Variants in STON2 observed in about 807,000 individuals in gnomAD.
STON2 encodes stonin-2.
A neutral mutation model predicts 65.7 loss-of-function variants in STON2; 29 were observed. That is an observed-to-expected ratio of 0.44 (90% CI 0.33 to 0.60). STON2 has a LOEUF of 0.60. STON2 is among the 20% of genes least tolerant of loss of function. STON2 has a pLI of 0.03. For synonymous variants in STON2, 404 were observed against 414.2 expected (o/e 0.98, Z 0.30); for missense variants, 1,054 against 1,118.1 (o/e 0.94, Z 0.82).
chr14:81,387,678 A>AGGTGGGT (rs1899879963), intron 3 of STON2, among the ~76,000 whole-genome samples: 1 of 151,860 alleles, frequency 6.6e-6, no homozygotes, highest in Non-Finnish European at 1.5e-5. Context: ...CACCCACCAG[A>AGGTGGGT]GGTCAGGAGT....
Position 81,276,924 on chromosome 14 carries a change from T to C in STON2, c.2558A>G (p.Asn853Ser). 1 of 1,612,096 alleles carries C rather than the reference T, an allele frequency of 6.2e-7. No homozygotes were observed. Among genetic ancestry groups the C allele is most frequent in the Non-Finnish European group, 8.5e-7 (1 of 1,178,400 alleles). ...HAFNSIVWRI[N>S]RLPDKNSASG... The stretch of plus-strand genomic sequence containing the variant: ...ACCTGAGTTTTTGTCCGGCAGTCGG[T>C]TTATCCTCCACACAATGGAGTTGAA... Residue 853 changes from asparagine (N) to serine (S), a missense_variant, in exon 6 of 8, where the codon AAC becomes AGC. Coordinates refer to ENST00000614646, the MANE Select transcript of STON2 (RefSeq NM_001394390.1).
intron 4 of STON2, among the ~76,000 whole-genome samples, chr14:81,326,023 A>C (rs3818197): frequency 0.7 from 106,070 of 152,138 alleles, 38,148 homozygotes; most frequent in African/African-American, 0.88. Context: ...GCCTTACCCT[A>C]AACAACCCCA....
intron 5 of STON2, among the ~76,000 whole-genome samples, chr14:81,278,980 A>C (rs1419930822): frequency 6.6e-6 from 1 of 152,240 alleles, no homozygotes; most frequent in African/African-American, 2.4e-5. Flanking sequence ...ATACAGAAGT[A>C]TTGACTGGTA....
chr14:81,400,861 C>T (rs1900577731), upstream of STON2, among the ~76,000 whole-genome samples: 1 of 152,020 alleles, frequency 6.6e-6, no homozygotes. Flanking sequence ...CAACCTTGTA[C>T]AGAAAGAATA....
intron 1 of STON2, among the ~76,000 whole-genome samples, chr14:81,429,531 G>A (rs1255530240): frequency 6.6e-6 from 1 of 152,196 alleles, no homozygotes; most frequent in Non-Finnish European, 1.5e-5. Flanking sequence ...ATAAATCACT[G>A]AATGGCTTCA....
rs1299704642 is a variant in STON2, at chr14:81,274,748, C to G, written c.2581+2153G>C. Among the ~76,000 whole-genome samples, 3 of 151,818 alleles carry G rather than the reference C, an allele frequency of 2.0e-5. No individual in the cohort carries two copies. In the East Asian group the frequency reaches 5.8e-4, roughly 29 times the overall value. On this transcript the variant is annotated intron_variant, in intron 6 of 7. Transcript: ENST00000614646. ...GTCAGGAGTTTGAGACCAGTCTGGC[C>G]AACATGGTGAAAACCTGTCTCTACT...
chr14:81,381,996 G>C (rs373679392), intron 3 of STON2, among the ~76,000 whole-genome samples: 2 of 152,224 alleles, frequency 1.3e-5, no homozygotes, highest in African/African-American at 4.8e-5. Context: ...GACACAGGCG[G>C]ATTACGAGGT....
upstream of STON2, among the ~76,000 whole-genome samples, chr14:81,400,777 G>A (rs549698569): frequency 1.3e-5 from 2 of 152,188 alleles, no homozygotes; most frequent in Non-Finnish European, 2.9e-5. Context: ...TAGGTTGTTC[G>A]GATTTGAGTC....
chr14:81,397,903 A>G (rs564179529), intron 2 of STON2, among the ~76,000 whole-genome samples: 22 of 152,292 alleles, frequency 1.4e-4, no homozygotes, highest in African/African-American at 5.3e-4. Flanking sequence ...TCTACCCAAA[A>G]GCATATCACT....
At chr14:81,319,824 C>A (rs1030328313) in intron 5 of STON2, among the ~76,000 whole-genome samples, 2 of 152,184 alleles carry the variant, frequency 1.3e-5, no homozygotes, top group Non-Finnish European at 2.9e-5. Context: ...CCACCACCCC[C>A]ATTTAATAGA....
chr14:81,261,845 C>T lies in STON2; in HGVS notation c.*6569G>A. ...CCAAAGAAGCATTCCACCTGATCTT[C>T]ACCACCCTCTTTGATCCTCTTTTTA... On this transcript the variant is annotated 3_prime_UTR_variant, in exon 8 of 8. Transcript: ENST00000614646. The T allele has an allele frequency of 6.5e-7, 1 of 1,534,374 alleles. No homozygotes were observed. Among genetic ancestry groups the T allele is most frequent in the Non-Finnish European group, 8.7e-7 (1 of 1,146,522 alleles).
intron 2 of STON2, among the ~76,000 whole-genome samples, chr14:81,423,105 T>C (rs896729441): frequency 1.3e-5 from 2 of 152,140 alleles, no homozygotes; most frequent in African/African-American, 2.4e-5. Flanking sequence ...TTCATCTTCC[T>C]GCAACATGAC....
intron 4 of STON2, among the ~76,000 whole-genome samples, chr14:81,362,681 G>A (rs1248104309): frequency 6.6e-6 from 1 of 152,098 alleles, no homozygotes; most frequent in Admixed American, 6.5e-5. Context: ...TAAGGTGATA[G>A]ATACGTTAAT....
intron 5 of STON2, among the ~76,000 whole-genome samples, chr14:81,305,918 T>C (rs1238003024): frequency 6.6e-6 from 1 of 152,108 alleles, no homozygotes; most frequent in East Asian, 1.9e-4. Context: ...AAAATGAATC[T>C]GAAAATGGTT....
chr14:81,347,107 A>G (rs773995498), intron 4 of STON2, among the ~76,000 whole-genome samples: 2 of 152,044 alleles, frequency 1.3e-5, no homozygotes, highest in Non-Finnish European at 2.9e-5. Context: ...CAAAATAAAA[A>G]AAAACCCCGA....
intron 2 of STON2, among the ~76,000 whole-genome samples, 197 bp downstream of exon 2, chr14:81,398,098 C>T (rs1595442535): frequency 6.6e-6 from 1 of 152,088 alleles, no homozygotes; most frequent in East Asian, 1.9e-4. Flanking sequence ...CTTTTTAGGG[C>T]CCTAAGGTTC....
chr14:81,341,447 T>C, intron 4 of STON2, among the ~76,000 whole-genome samples: 1 of 95,756 alleles, frequency 1.0e-5, no homozygotes, highest in East Asian at 4.1e-4. Flanking sequence ...TTTATAAGTG[T>C]TTTTTTTTTG....
At chr14:81,409,963 A>G (rs1318502045) in intron 2 of STON2, among the ~76,000 whole-genome samples, 2 of 152,226 alleles carry the variant, frequency 1.3e-5, no homozygotes, top group African/African-American at 4.8e-5. Flanking sequence ...TAGTTCTAAA[A>G]TATAGTTCTA....
chr14:81,326,875 T>A (rs988536723), intron 4 of STON2, among the ~76,000 whole-genome samples: 3 of 152,230 alleles, frequency 2.0e-5, no homozygotes, highest in Admixed American at 1.3e-4. Flanking sequence ...GGACCTTAGA[T>A]TGATTTGGGG....
Sources: gnomAD v4.1 joint callset for allele counts (sites outside exome capture counted in the v4.1 genomes callset) on GRCh38, gnomAD v4.1.1 for gene constraint, MANE v1.5 for transcripts, NCBI Gene and HGNC (gene_info 2026-07-23, HGNC 2026-07-21) for gene names.